HFM1: variants seen among roughly 807,000 people sequenced by gnomAD.
HFM1 encodes the protein probable ATP-dependent DNA helicase HFM1.
A neutral mutation model predicts 192.1 loss-of-function variants in HFM1; 169 were observed. The observed-to-expected ratio is 0.88, with a 90% CI of 0.78 to 1.00. The LOEUF is 1.00. HFM1 is among the 50% of genes least tolerant of loss of function. The pLI is 0.00. For missense variants in HFM1, 1,661 were observed against 1,668.0 expected, an observed-to-expected ratio of 1.00 and a Z score of 0.07; for synonymous variants, 525 against 537.8, an observed-to-expected ratio of 0.98 and a Z score of 0.33.
At chr1:91,295,954 G>A (rs186137716) in intron 30 of HFM1, among the ~76,000 whole-genome samples, 63 of 151,262 alleles carry the variant, frequency 4.2e-4, no homozygotes, top group Non-Finnish European at 8.3e-4. Flanking sequence ...TTTTTGAGAC[G>A]GAGTCTCACT....
At position 91,297,792 on chromosome 1, in the gene HFM1, C is replaced by T. The variant is rs1356269070; in HGVS notation, c.3391+15557G>A. On this transcript the variant is annotated intron_variant, in intron 30 of 38. Coordinates refer to ENST00000370425, the MANE Select transcript of HFM1 (RefSeq NM_001017975.6). ...CATCCACACCAAAACCCCATCTGTT[C>T]GTCACCATCATCAAAGACCAAAGGT... Among the ~76,000 whole-genome samples, 5 of 152,146 alleles carry T rather than the reference C, an allele frequency of 3.3e-5. No individual in the cohort carries two copies. In the East Asian group the frequency reaches 9.6e-4, roughly 29 times the overall value.
intron 23 of HFM1, among the ~76,000 whole-genome samples, chr1:91,321,431 G>C (rs1286482093): frequency 7.2e-6 from 1 of 139,792 alleles, no homozygotes; most frequent in Non-Finnish European, 1.5e-5. Context: ...GCCACAGTGT[G>C]ACACTCTGTC....
chr1:91,309,863 G>A (rs1163382021), intron 30 of HFM1, among the ~76,000 whole-genome samples: 1 of 151,510 alleles, frequency 6.6e-6, no homozygotes, highest in African/African-American at 2.4e-5. Flanking sequence ...AAATCTAAGA[G>A]ACCATAATCA....
At chr1:91,404,194 C>T (rs1163756286) in intron 1 of HFM1, among the ~76,000 whole-genome samples, 1 of 152,208 alleles carries the variant, frequency 6.6e-6, no homozygotes, top group African/African-American at 2.4e-5. Flanking sequence ...CCCCCTCTCC[C>T]CAGGCACCAA....
intron 23 of HFM1, among the ~76,000 whole-genome samples, chr1:91,319,914 C>T (rs1651834835): frequency 1.3e-5 from 2 of 152,130 alleles, no homozygotes; most frequent in Admixed American, 1.3e-4. Context: ...GTATGAAGGT[C>T]AGTAGCATAT....
intron 19 of HFM1, among the ~76,000 whole-genome samples, chr1:91,344,363 C>T (rs1291519749): frequency 6.6e-6 from 1 of 152,208 alleles, no homozygotes; most frequent in Non-Finnish European, 1.5e-5. Context: ...ACTCTTTAGA[C>T]AGCTTGATAG....
chr1:91,261,334 C>G lies in HFM1; in HGVS notation c.4264G>C (p.Asp1422His). 7.0e-7 allele frequency: 1 copy of G among 1,425,904 alleles called. No homozygotes were observed. The highest frequency in any genetic ancestry group is 9.3e-7 in the Non-Finnish European group (1 of 1,078,538). The allele number at this position is 1,425,904 out of a possible 1,614,324, so 88.3% of individuals were successfully genotyped here. A position where few individuals can be genotyped will look rare whatever the true frequency, so the allele number is the denominator to read the frequency against. The change falls in exon 39 of 39, where the codon GAT becomes CAT. Residue 1422 changes from aspartate (D) to histidine (H), a missense_variant. Transcript: ENST00000370425. ...ATTCCCAATAAAGACTTCATTTCAT[C>G]AGCTTCATCATCAGGATGATACATA... The part of the protein sequence containing the change: ...FSMYHPDDEA[D>H]EMKSLLGIFD...
intron 30 of HFM1, among the ~76,000 whole-genome samples, chr1:91,287,989 G>A (rs1004519909): frequency 8.7e-4 from 132 of 151,850 alleles, no homozygotes; most frequent in African/African-American, 3.1e-3. Context: ...AACGAGCAAA[G>A]CCTCCAAGAA....
intron 19 of HFM1, among the ~76,000 whole-genome samples, chr1:91,345,797 T>C (rs1366120617): frequency 6.6e-6 from 1 of 152,196 alleles, no homozygotes; most frequent in Non-Finnish European, 1.5e-5. Context: ...GGAATGGTCC[T>C]ATCTCATGCC....
rs1170700188 is a variant in HFM1, at chr1:91,380,219, C to T, written c.891G>A (p.Arg297=). The T allele has an allele frequency of 4.4e-5, 70 of 1,575,250 alleles. No individual in the cohort carries two copies. The highest frequency in any genetic ancestry group is 5.8e-5 in the Non-Finnish European group (67 of 1,156,778). ...KAFDDLLYTD[R]NFVICAPTGS... is the part of the protein sequence containing the mutation. ...CAGTTGGAGCACAAATCACAAAATTCCTATCTGTGTAAAGAAGCTAAAAAA... is the reference window on the plus strand; with the variant it reads ...CAGTTGGAGCACAAATCACAAAATTTCTATCTGTGTAAAGAAGCTAAAAAA... The change falls in exon 8 of 39, where the codon AGG becomes AGA. Residue 297 remains arginine, a synonymous_variant. Coordinates refer to ENST00000370425, the MANE Select transcript of HFM1 (RefSeq NM_001017975.6).
chr1:91,310,756 T>C lies in HFM1; in HGVS notation c.3391+2593A>G, dbSNP rs146168051. Among the ~76,000 whole-genome samples the C allele has an allele frequency of 2.9e-3, 442 of 152,308 alleles. 1 individual carries two copies. The highest frequency in any genetic ancestry group is 0.01 in the African/African-American group (430 of 41,566). ...CTTTTGCTTCTTCCTCATTTTTCTC[T>C]TGCCGCCGCCATGTAAGAAGTGCCT... On this transcript the variant is annotated intron_variant, in intron 30 of 38. Coordinates refer to ENST00000370425, the MANE Select transcript of HFM1 (RefSeq NM_001017975.6).
Position 91,342,151 on chromosome 1 carries a change from A to AAAAAAAAAAAC in HFM1, c.2335+1278_2335+1279insGTTTTTTTTTT, listed in dbSNP as rs58288889. Among the ~76,000 whole-genome samples, 14 of 111,800 alleles carry AAAAAAAAAAAC rather than the reference A, an allele frequency of 1.3e-4. 2 individuals are homozygous for AAAAAAAAAAAC. The highest frequency in any genetic ancestry group is 2.7e-4 in the East Asian group (1 of 3,650). 73.3% of individuals were successfully genotyped at this position (111,800 alleles called of 152,430 possible). A position where few individuals can be genotyped will look rare whatever the true frequency, so the allele number is the denominator to read the frequency against. The stretch of plus-strand genomic sequence containing the variant: ...ACACAATGAAAAAAAAAAAAAAAAA[A>AAAAAAAAAAAC]TTCAGGCGAATATTCCTGATGAACA... On this transcript the variant is annotated intron_variant, in intron 20 of 38. Transcript: ENST00000370425.
intron 13 of HFM1, among the ~76,000 whole-genome samples, chr1:91,365,744 AT>A (rs1659208970): frequency 6.6e-6 from 1 of 152,150 alleles, no homozygotes; most frequent in African/African-American, 2.4e-5. Context: ...GAGGAAAGGC[AT>A]GTTACTATTA....
At position 91,315,797 on chromosome 1, in the gene HFM1, C is replaced by T. The variant is rs760263597; in HGVS notation, c.3140+18G>A. 5.1e-6 allele frequency: 8 copies of T among 1,569,848 alleles called. No individual in the cohort carries two copies. In the East Asian group the frequency reaches 1.8e-4, roughly 35 times the overall value. On this transcript the variant is annotated intron_variant, in intron 28 of 38. Coordinates refer to ENST00000370425, the MANE Select transcript of HFM1 (RefSeq NM_001017975.6). ...TATGCTTAGAAATAAGATCAAACAT[C>T]AGAAATTTCACACTTACGTAATCTT...
intron 2 of HFM1, among the ~76,000 whole-genome samples, chr1:91,397,546 C>T (rs1663808852): frequency 6.6e-6 from 1 of 152,190 alleles, no homozygotes; most frequent in Admixed American, 6.5e-5. Context: ...ACTTTTCTGT[C>T]TCTCCGAGCA....
intron 13 of HFM1, among the ~76,000 whole-genome samples, chr1:91,358,584 T>C (rs1658055791): frequency 6.6e-6 from 1 of 152,026 alleles, no homozygotes; most frequent in African/African-American, 2.4e-5. Flanking sequence ...GGAAAAACAA[T>C]TTCCATATCC....
At chr1:91,346,537 C>T (rs1656168452) in intron 19 of HFM1, among the ~76,000 whole-genome samples, 1 of 152,084 alleles carries the variant, frequency 6.6e-6, no homozygotes, top group Admixed American at 6.5e-5. Context: ...TTTTTATTTG[C>T]CACACATGTA....
rs150383224 is a variant in HFM1 at position 91,299,355 on chromosome 1, G to A, written c.3391+13994C>T. Among the ~76,000 whole-genome samples, 1,113 of 152,242 alleles carry A rather than the reference G, an allele frequency of 7.3e-3. 17 individuals are homozygous for A. The highest frequency in any genetic ancestry group is 0.025 in the African/African-American group (1,050 of 41,534). On this transcript the variant is annotated intron_variant, in intron 30 of 38. Coordinates refer to ENST00000370425, the MANE Select transcript of HFM1 (RefSeq NM_001017975.6). The stretch of plus-strand genomic sequence containing the variant: ...TAATGGGAGACTTTCACACCCCACT[G>A]TCAACATTAGACAGATCAACAAGAC...
intron 30 of HFM1, among the ~76,000 whole-genome samples, chr1:91,304,219 T>C (rs1649282280): frequency 6.6e-6 from 1 of 152,174 alleles, no homozygotes; most frequent in Non-Finnish European, 1.5e-5. Context: ...TCTTTATATA[T>C]ACTCAATACA....
Sources: allele counts gnomAD v4.1 joint callset (sites outside exome capture counted in the v4.1 genomes callset), GRCh38; gene constraint gnomAD v4.1.1; transcripts MANE v1.5; gene names NCBI Gene and HGNC (gene_info 2026-07-23, HGNC 2026-07-21).